The following DGKB variants were observed in gnomAD, a reference collection of about 807,000 sequenced individuals.
The protein encoded by DGKB is 90 kDa diacylglycerol kinase.
Under a neutral mutation model 114.3 loss-of-function variants are expected in DGKB, and 67 were observed. The ratio of observed to expected loss-of-function variants is 0.59; its 90% confidence interval spans 0.48 to 0.72. The LOEUF (loss-of-function observed/expected upper bound fraction) is 0.72. DGKB is among the 30% of genes least tolerant of loss of function. The pLI is 0.00. For missense variants in DGKB, 907 were observed against 975.2 expected, an observed-to-expected ratio of 0.93 and a Z score of 0.93; for synonymous variants, 398 against 323.1, an observed-to-expected ratio of 1.23 and a Z score of -2.49.
chr7:14,713,453 G>A (rs886283647), intron 6 of DGKB, among the ~76,000 whole-genome samples: 5 of 151,926 alleles, frequency 3.3e-5, no homozygotes, highest in African/African-American at 9.7e-5. Flanking sequence ...GCTTAGGTGT[G>A]TTTGACATCC....
At chr7:14,369,617 C>CAG (rs1817286069) in intron 21 of DGKB, among the ~76,000 whole-genome samples, 1 of 152,198 alleles carries the variant, frequency 6.6e-6, no homozygotes, top group Non-Finnish European at 1.5e-5. Flanking sequence ...GCCATTCTAA[C>CAG]TGGCATGAGA....
At position 14,801,629 on chromosome 7, in the gene DGKB, A is replaced by G. The variant is rs558733814; in HGVS notation, c.70+39565T>C. ...TGATTGAGCTGGGACATCTTCTCTC[A>G]TTTTCTCTAGTCCTGGGACTAACAG... is the stretch of plus-strand genomic sequence containing the variant. On this transcript the variant is annotated intron_variant, in intron 2 of 25. Coordinates refer to ENST00000402815, the MANE Select transcript of DGKB (RefSeq NM_001350709.2). Among the ~76,000 whole-genome samples, 63 of 151,618 alleles carry G rather than the reference A, an allele frequency of 4.2e-4. No homozygotes were observed. In the South Asian group the frequency reaches 0.013, roughly 31 times the overall value.
chr7:14,287,508 T>G (rs1801059290), intron 23 of DGKB, among the ~76,000 whole-genome samples: 1 of 152,324 alleles, frequency 6.6e-6, no homozygotes, highest in South Asian at 2.1e-4. Context: ...TGAATTAATA[T>G]GAACTTATTT....
At chr7:14,422,710 A>G (rs574596919) in intron 21 of DGKB, among the ~76,000 whole-genome samples, 2 of 152,108 alleles carry the variant, frequency 1.3e-5, no homozygotes, top group East Asian at 3.9e-4. Context: ...ACTTAATCCT[A>G]TGGTTGTCAT....
At chr7:14,692,376 TC>T (rs1214701683) in intron 9 of DGKB, among the ~76,000 whole-genome samples, 1 of 152,136 alleles carries the variant, frequency 6.6e-6, no homozygotes, top group East Asian at 1.9e-4. Flanking sequence ...ACATAAAATG[TC>T]CTTCTCGGGA....
intron 12 of DGKB, among the ~76,000 whole-genome samples, chr7:14,681,975 T>C (rs1014274220): frequency 6.6e-6 from 1 of 152,078 alleles, no homozygotes; most frequent in Non-Finnish European, 1.5e-5. Context: ...AAGATGAATT[T>C]TTAGATGCAT....
At chr7:14,364,928 A>C (rs1271822602) in intron 21 of DGKB, among the ~76,000 whole-genome samples, 1 of 152,048 alleles carries the variant, frequency 6.6e-6, no homozygotes, top group Non-Finnish European at 1.5e-5. Context: ...ATAGAAGGTC[A>C]CCATCTGCAA....
chr7:14,768,928 A>G lies in DGKB; in HGVS notation c.71-11197T>C, dbSNP rs1836864198. ...CAAACTTTGTCATAATTTGCTATCAAATTAAAAAATACCTGTTCAAATACT... is the reference window on the plus strand; with the variant it reads ...CAAACTTTGTCATAATTTGCTATCAGATTAAAAAATACCTGTTCAAATACT... On this transcript the variant is annotated intron_variant, in intron 2 of 25. Coordinates refer to ENST00000402815, the MANE Select transcript of DGKB (RefSeq NM_001350709.2). Among the ~76,000 whole-genome samples, 3 of 152,068 alleles carry G rather than the reference A, an allele frequency of 2.0e-5. No homozygotes were observed. In the South Asian group the frequency reaches 6.2e-4, roughly 32 times the overall value.
intron 23 of DGKB, among the ~76,000 whole-genome samples, chr7:14,315,723 A>G (rs1239528506): frequency 1.3e-5 from 2 of 150,514 alleles, no homozygotes; most frequent in East Asian, 1.9e-4. Flanking sequence ...AGACAGATCA[A>G]CGGGACAGAA....
intron 23 of DGKB, among the ~76,000 whole-genome samples, chr7:14,260,461 C>G (rs1013649788): frequency 6.6e-6 from 1 of 152,186 alleles, no homozygotes; most frequent in African/African-American, 2.4e-5. Flanking sequence ...GATCATCCAG[C>G]AGCACATGCC....
At chr7:14,927,072 T>C (rs1194322883) in intron 1 of DGKB, among the ~76,000 whole-genome samples, 4 of 152,038 alleles carry the variant, frequency 2.6e-5, no homozygotes, top group Non-Finnish European at 5.9e-5. Flanking sequence ...ATGATGATTA[T>C]TTGTCTACAC....
chr7:14,491,715 T>A (rs983605223), intron 20 of DGKB, among the ~76,000 whole-genome samples: 1 of 152,158 alleles, frequency 6.6e-6, no homozygotes, highest in South Asian at 2.1e-4. Flanking sequence ...TCCTGGAGGA[T>A]GTTAAAAAAC....
chr7:14,575,357 A>T (rs914257040), intron 19 of DGKB, among the ~76,000 whole-genome samples: 3 of 152,206 alleles, frequency 2.0e-5, no homozygotes, highest in African/African-American at 7.2e-5. Context: ...CAATTTTTTA[A>T]TGAATATATG....
At chr7:14,484,640 G>C (rs942057509) in intron 20 of DGKB, among the ~76,000 whole-genome samples, 5 of 152,170 alleles carry the variant, frequency 3.3e-5, no homozygotes, top group African/African-American at 9.7e-5. Flanking sequence ...GCAGAACCTT[G>C]AGCCAATTAA....
chr7:14,313,057 A>G (rs1585070583), intron 23 of DGKB, among the ~76,000 whole-genome samples: 1 of 152,258 alleles, frequency 6.6e-6, no homozygotes, highest in Non-Finnish European at 1.5e-5. Context: ...AATGCAAAAG[A>G]GTACAAAAAA....
At chr7:14,665,777 G>C (rs2128933627) in intron 13 of DGKB, among the ~76,000 whole-genome samples, 1 of 151,994 alleles carries the variant, frequency 6.6e-6, no homozygotes, top group South Asian at 2.1e-4. Flanking sequence ...CTCTTAAAGA[G>C]CCACTTTACC....
intron 23 of DGKB, among the ~76,000 whole-genome samples, chr7:14,313,432 G>A (rs898064335): frequency 6.6e-5 from 10 of 152,234 alleles, no homozygotes; most frequent in East Asian, 1.9e-4. Flanking sequence ...TGCGCGAGCC[G>A]AAGCAGGGCG....
chr7:14,684,869 T>C (rs1048231919), intron 10 of DGKB, among the ~76,000 whole-genome samples: 1 of 152,012 alleles, frequency 6.6e-6, no homozygotes, highest in Admixed American at 6.6e-5. Flanking sequence ...TTATAAGATG[T>C]TCATGTGAAT....
intron 1 of DGKB, among the ~76,000 whole-genome samples, chr7:14,969,013 AT>A (rs1158401293): frequency 6.6e-6 from 1 of 152,162 alleles, no homozygotes; most frequent in Admixed American, 6.6e-5. Flanking sequence ...TCTGTCATTT[AT>A]TTTGATGATT....
Sources: allele counts gnomAD v4.1 joint callset (sites outside exome capture counted in the v4.1 genomes callset), GRCh38; gene constraint gnomAD v4.1.1; transcripts MANE v1.5; gene names NCBI Gene and HGNC (gene_info 2026-07-23, HGNC 2026-07-21).